PCDH11X: variants seen among roughly 807,000 people sequenced by gnomAD.
PCDH11X encodes the protein protocadherin-11 X-linked.
A neutral mutation model predicts 53.3 loss-of-function variants in PCDH11X; 18 were observed. The observed-to-expected ratio is 0.34, with a 90% CI of 0.23 to 0.50. PCDH11X has a LOEUF of 0.50. PCDH11X is among the 20% of genes least tolerant of loss of function. PCDH11X has a pLI of 0.98. For missense variants in PCDH11X, 570 were observed against 1,032.4 expected (o/e 0.55, Z 6.14); for synonymous variants, 279 against 393.3 (o/e 0.71, Z 3.44).
intron 6 of PCDH11X, among the ~76,000 whole-genome samples, chrX:91,964,349 A>T (rs1318785991): frequency 1.8e-5 from 2 of 110,703 alleles, no homozygotes; most frequent in African/African-American, 6.7e-5. Flanking sequence ...AGACTAGCCA[A>T]TGCAAACTTG....
At chrX:92,330,939 T>A (rs2069449745) in intron 8 of PCDH11X, among the ~76,000 whole-genome samples, 1 of 98,636 alleles carries the variant, frequency 1.0e-5, no homozygotes, top group African/African-American at 3.7e-5. Flanking sequence ...GAGTGAAGGA[T>A]TACAAAGAGG....
intron 7 of PCDH11X, among the ~76,000 whole-genome samples, chrX:92,218,897 C>G (rs1173634210): frequency 1.8e-5 from 2 of 111,464 alleles, no homozygotes; most frequent in African/African-American, 6.5e-5. Context: ...TCAATATATG[C>G]AAATCAGTAA....
At chrX:92,351,873 A>G (rs1170986345) in intron 8 of PCDH11X, among the ~76,000 whole-genome samples, 1 of 111,612 alleles carries the variant, frequency 9.0e-6, no homozygotes, top group Non-Finnish European at 1.9e-5. Flanking sequence ...AAGATCATCA[A>G]TCAACTCCTA....
chrX:92,161,348 A>G (rs35448251), intron 6 of PCDH11X, among the ~76,000 whole-genome samples: 1 of 111,643 alleles, frequency 9.0e-6, no homozygotes, highest in Admixed American at 9.6e-5. Flanking sequence ...TAGGGCCCCA[A>G]TCCCTTCTAG....
In PCDH11X at chrX:92,233,067, T is replaced by C. The variant is rs985712448; in HGVS notation, c.3115-30047T>C. ...TCTGACTCTACCCCAGCTCCTCACC[T>C]GTCCTTATCCATTGCTTCTTTTGAT... On this transcript the variant is annotated intron_variant, in intron 7 of 10. Transcript: ENST00000682573. 3.6e-5 allele frequency among the ~76,000 whole-genome samples: 4 copies of C among 111,495 alleles called. No individual in the cohort carries two copies. The East Asian group carries it at 1.1e-3, about 32-fold the overall frequency.
chrX:91,899,031 G>C (rs773055661), intron 6 of PCDH11X, among the ~76,000 whole-genome samples: 1 of 110,778 alleles, frequency 9.0e-6, no homozygotes, highest in Non-Finnish European at 1.9e-5. Flanking sequence ...CGTTTATTAG[G>C]GTTCTCTAGA....
intron 5 of PCDH11X, among the ~76,000 whole-genome samples, chrX:91,855,997 T>C (rs1707300733): frequency 9.6e-6 from 1 of 104,138 alleles, no homozygotes; most frequent in East Asian, 3.0e-4. Flanking sequence ...TATATCTTTC[T>C]CTTATCTGAT....
intron 6 of PCDH11X, among the ~76,000 whole-genome samples, chrX:91,974,074 A>AT (rs749801022): frequency 9.0e-6 from 1 of 111,349 alleles, no homozygotes; most frequent in African/African-American, 3.3e-5. Flanking sequence ...CTGGAAAAAA[A>AT]TTTTTTTTAT....
At chrX:91,987,637 C>A (rs1401664045) in intron 6 of PCDH11X, among the ~76,000 whole-genome samples, 1 of 111,334 alleles carries the variant, frequency 9.0e-6, no homozygotes, top group Non-Finnish European at 1.9e-5. Flanking sequence ...ATGCTTCATA[C>A]ATAATTTGCC....
At chrX:92,257,785 G>C (rs979659809) in intron 7 of PCDH11X, among the ~76,000 whole-genome samples, 3 of 112,683 alleles carry the variant, frequency 2.7e-5, no homozygotes, top group African/African-American at 9.7e-5. Context: ...GCTTTGCAGG[G>C]TTCAGCCCCT....
At chrX:92,024,344 A>C (rs935325374) in intron 6 of PCDH11X, among the ~76,000 whole-genome samples, 7 of 111,013 alleles carry the variant, frequency 6.3e-5, no homozygotes, top group African/African-American at 2.3e-4. Context: ...ATGTGCAAAA[A>C]TCACAAGCAT....
chrX:91,803,220 G>T (rs2147544314), intron 1 of PCDH11X, among the ~76,000 whole-genome samples: 1 of 111,180 alleles, frequency 9.0e-6, no homozygotes, highest in African/African-American at 3.3e-5. Context: ...CAGATTTATT[G>T]TGTCTGCAAT....
At chrX:91,797,656 A>G (rs1169273921) in intron 1 of PCDH11X, among the ~76,000 whole-genome samples, 2 of 109,492 alleles carry the variant, frequency 1.8e-5, no homozygotes, top group Non-Finnish European at 3.8e-5. Context: ...GAATCAATCA[A>G]TTATTTTAAC....
chrX:92,303,839 A>G (rs919608835), intron 8 of PCDH11X, among the ~76,000 whole-genome samples: 26 of 110,047 alleles, frequency 2.4e-4, no homozygotes, highest in Admixed American at 2.9e-4. Flanking sequence ...AGTATGTTGT[A>G]ATGCCATTTA....
rs1404517440 is a variant in PCDH11X at position 91,839,730 on chromosome X, C to T, written c.540+3686C>T. Among the ~76,000 whole-genome samples the T allele has an allele frequency of 5.1e-4, 56 of 110,396 alleles. 3 individuals are homozygous for T. Among genetic ancestry groups the T allele is most frequent in the African/African-American group, 2.6e-4 (8 of 30,523 alleles). On this transcript the variant is annotated intron_variant, in intron 5 of 10. Transcript: ENST00000682573. ...AAAACTTATTTATGTGACTTTGATG[C>T]GATTAATTTTCAACTTTTTAATGGA...
chrX:91,869,936 A>G (rs2147710297), intron 5 of PCDH11X, among the ~76,000 whole-genome samples: 1 of 111,960 alleles, frequency 8.9e-6, no homozygotes, highest in Admixed American at 9.5e-5. Flanking sequence ...AGAATTCTGA[A>G]TTATTATGCA....
At chrX:92,015,323 G>A (rs2062772502) in intron 6 of PCDH11X, among the ~76,000 whole-genome samples, 1 of 111,699 alleles carries the variant, frequency 9.0e-6, no homozygotes, top group Admixed American at 9.5e-5. Flanking sequence ...GAAGTTTGGA[G>A]TAGTTGTGAC....
At chrX:92,530,341 GT>G (rs752381226) in intron 10 of PCDH11X, among the ~76,000 whole-genome samples, 1 of 106,895 alleles carries the variant, frequency 9.4e-6, no homozygotes, top group African/African-American at 3.4e-5. Context: ...CTAGGAAATG[GT>G]GGGGAAGAGC....
At chrX:92,172,143 T>G (rs1197236532) in intron 6 of PCDH11X, among the ~76,000 whole-genome samples, 1 of 110,391 alleles carries the variant, frequency 9.1e-6, no homozygotes, top group Non-Finnish European at 1.9e-5. Context: ...TTTTCTTGCT[T>G]GATTGTCCTA....
Sources: allele counts gnomAD v4.1 joint callset (sites outside exome capture counted in the v4.1 genomes callset), GRCh38; gene constraint gnomAD v4.1.1; transcripts MANE v1.5; gene names NCBI Gene and HGNC (gene_info 2026-07-23, HGNC 2026-07-21).